The following TAFA1 variants were observed in gnomAD, a reference collection of about 807,000 sequenced individuals.
TAFA1 encodes TAFA chemokine like family member 1.
Under a neutral mutation model 18.5 loss-of-function variants are expected in TAFA1, and 4 were observed. That is an observed-to-expected ratio of 0.22 (90% CI 0.11 to 0.49). The LOEUF is 0.49. TAFA1 is among the 20% of genes least tolerant of loss of function. TAFA1 has a pLI of 0.98. For synonymous variants in TAFA1, 56 were observed against 55.2 expected, an observed-to-expected ratio of 1.01 and a Z score of -0.06; for missense variants, 147 against 169.0, an observed-to-expected ratio of 0.87 and a Z score of 0.72.
At chr3:68,333,333 C>T (rs901465372) in intron 2 of TAFA1, among the ~76,000 whole-genome samples, 2 of 152,142 alleles carry the variant, frequency 1.3e-5, no homozygotes, top group African/African-American at 4.8e-5. Flanking sequence ...ATATCCTTTG[C>T]AGCAATGTGG....
chr3:68,276,182 A>G (rs1248970535), intron 2 of TAFA1, among the ~76,000 whole-genome samples: 1 of 152,124 alleles, frequency 6.6e-6, no homozygotes, highest in East Asian at 1.9e-4. Context: ...AGAAGACAAA[A>G]TAGTCAAACC....
intron 2 of TAFA1, among the ~76,000 whole-genome samples, chr3:68,220,420 T>G (rs572515359): frequency 1.7e-3 from 252 of 152,230 alleles, no homozygotes; most frequent in Admixed American, 3.5e-3. Context: ...TAGCACATAT[T>G]ACAACTTTAG....
At chr3:68,273,851 C>T (rs2067728847) in intron 2 of TAFA1, among the ~76,000 whole-genome samples, 1 of 152,160 alleles carries the variant, frequency 6.6e-6, no homozygotes, top group African/African-American at 2.4e-5. Context: ...ATCCCTAGGA[C>T]TCAGTTTCAC....
intron 2 of TAFA1, among the ~76,000 whole-genome samples, chr3:68,118,964 G>A (rs900012657): frequency 3.3e-5 from 5 of 151,776 alleles, no homozygotes; most frequent in African/African-American, 1.2e-4. Flanking sequence ...TTTTCCACAG[G>A]GGCAACGTCA....
intron 2 of TAFA1, among the ~76,000 whole-genome samples, chr3:68,088,388 A>C (rs930630637): frequency 6.6e-6 from 1 of 152,174 alleles, no homozygotes; most frequent in African/African-American, 2.4e-5. Context: ...AGGAAGGTGG[A>C]AACAGTGTGA....
At chr3:68,158,962 G>T (rs2065895886) in intron 2 of TAFA1, among the ~76,000 whole-genome samples, 1 of 152,150 alleles carries the variant, frequency 6.6e-6, no homozygotes, top group Non-Finnish European at 1.5e-5. Context: ...CAAATGCTGG[G>T]GAAGGGCATG....
chr3:67,999,309 G>A (rs1704259050), upstream of TAFA1, among the ~76,000 whole-genome samples: 1 of 151,194 alleles, frequency 6.6e-6, no homozygotes, highest in Admixed American at 6.6e-5. Context: ...GTGTGTATGT[G>A]TGTGTCTACG....
intron 4 of TAFA1, among the ~76,000 whole-genome samples, chr3:68,540,795 A>T (rs2073360129): frequency 6.6e-6 from 1 of 152,234 alleles, no homozygotes; most frequent in South Asian, 2.1e-4. Flanking sequence ...AAAACAAAAA[A>T]ACAGAAACAT....
Position 68,007,999 on chromosome 3 carries a change from T to C in TAFA1, c.118+1255T>C, listed in dbSNP as rs546288112. Among the ~76,000 whole-genome samples, 23 of 152,354 alleles carry C rather than the reference T, an allele frequency of 1.5e-4. 1 individual carries two copies. The South Asian group carries it at 2.7e-3, about 18-fold the overall frequency. On this transcript the variant is annotated intron_variant, in intron 2 of 4. Transcript: ENST00000478136. ...GGCTGCAGCGAGCGCGCAAGCCTGCTGGGTGCTGGAGCTCGGGCCGCCCCG... is the reference window on the plus strand; with the variant it reads ...GGCTGCAGCGAGCGCGCAAGCCTGCCGGGTGCTGGAGCTCGGGCCGCCCCG...
chr3:68,202,090 A>G (rs1225002286), intron 2 of TAFA1, among the ~76,000 whole-genome samples: 1 of 151,758 alleles, frequency 6.6e-6, no homozygotes, highest in African/African-American at 2.4e-5. Flanking sequence ...ACTAAGTCCC[A>G]TCTCCTAACA....
chr3:68,408,732 G>C (rs1406280901), intron 2 of TAFA1, among the ~76,000 whole-genome samples: 8 of 152,012 alleles, frequency 5.3e-5, no homozygotes, highest in African/African-American at 1.9e-4. Flanking sequence ...AACAAGATGT[G>C]GTCCCCCTGC....
chr3:68,157,445 A>G (rs1378765057), intron 2 of TAFA1, among the ~76,000 whole-genome samples: 2 of 152,208 alleles, frequency 1.3e-5, no homozygotes, highest in Admixed American at 6.5e-5. Context: ...AGAGGAGGAG[A>G]AAAAGCCTTG....
chr3:68,059,703 T>C (rs2064578122), intron 2 of TAFA1, among the ~76,000 whole-genome samples: 1 of 152,150 alleles, frequency 6.6e-6, no homozygotes, highest in East Asian at 1.9e-4. Flanking sequence ...GAATAGTCTT[T>C]ATCTAGTCCA....
intron 3 of TAFA1, among the ~76,000 whole-genome samples, chr3:68,503,574 A>T (rs1175419911): frequency 6.6e-6 from 1 of 152,142 alleles, no homozygotes; most frequent in African/African-American, 2.4e-5. Flanking sequence ...TCCTTTTGGG[A>T]TCCTGAAAAT....
intron 2 of TAFA1, among the ~76,000 whole-genome samples, chr3:68,208,625 A>G (rs1258658946): frequency 2.0e-5 from 3 of 152,010 alleles, no homozygotes; most frequent in Non-Finnish European, 4.4e-5. Flanking sequence ...TTTGGCAAGA[A>G]AGTAAGGCCA....
rs146583106 is a variant in TAFA1, at chr3:68,067,334, A to G, written c.118+60590A>G. On this transcript the variant is annotated intron_variant, in intron 2 of 4. Transcript: ENST00000478136. ...CCCATTCCTTCATCATTTTTTCATT[A>G]AATATATTCATAGTTTCTCACAAGC... Among the ~76,000 whole-genome samples the G allele has an allele frequency of 9.3e-4, 141 of 152,206 alleles. 1 individual carries two copies. Among genetic ancestry groups the G allele is most frequent in the African/African-American group, 3.3e-3 (135 of 41,532 alleles).
intron 2 of TAFA1, among the ~76,000 whole-genome samples, chr3:68,170,200 A>T (rs1478416880): frequency 2.6e-5 from 4 of 152,154 alleles, no homozygotes; most frequent in Non-Finnish European, 5.9e-5. Flanking sequence ...TAGACACACA[A>T]CCGTGGTACT....
At chr3:68,331,224 AT>A (rs1259800100) in intron 2 of TAFA1, among the ~76,000 whole-genome samples, 1 of 152,226 alleles carries the variant, frequency 6.6e-6, no homozygotes, top group African/African-American at 2.4e-5. Context: ...TATATTAAAT[AT>A]CTTGAATGAG....
At chr3:68,080,682 T>A (rs981559435) in intron 2 of TAFA1, among the ~76,000 whole-genome samples, 1 of 152,212 alleles carries the variant, frequency 6.6e-6, no homozygotes, top group Admixed American at 6.5e-5. Context: ...CCGAGAGATC[T>A]GCTGTTAGTC....
Sources: allele counts gnomAD v4.1 joint callset (sites outside exome capture counted in the v4.1 genomes callset), GRCh38; gene constraint gnomAD v4.1.1; transcripts MANE v1.5; gene names NCBI Gene and HGNC (gene_info 2026-07-23, HGNC 2026-07-21).